PPP1R13L: variants seen among roughly 807,000 people sequenced by gnomAD.
PPP1R13L encodes relA-associated inhibitor.
A neutral mutation model predicts 80.9 loss-of-function variants in PPP1R13L; 50 were observed. The ratio of observed to expected loss-of-function variants is 0.62; its 90% CI spans 0.49 to 0.78. The LOEUF (loss-of-function observed/expected upper bound fraction) is 0.78. PPP1R13L is among the 30% of genes least tolerant of loss of function. The pLI is 0.00. For synonymous variants in PPP1R13L, 602 were observed against 534.3 expected (o/e 1.13, Z -1.75); for missense variants, 1,200 against 1,205.9 (o/e 1.00, Z 0.07).
At position 45,382,624 on chromosome 19, in the gene PPP1R13L, G is replaced by T; in HGVS notation, c.2351C>A (p.Ser784Ter). 1 of 1,613,790 alleles carries T rather than the reference G, an allele frequency of 6.2e-7. No individual in the cohort carries two copies. Among genetic ancestry groups the T allele is most frequent in the Non-Finnish European group, 8.5e-7 (1 of 1,180,022 alleles). Residue 784 changes from serine (S) to a stop codon, truncating the protein, a stop_gained, in exon 12 of 13, where the codon TCG becomes TAG. Coordinates refer to ENST00000360957, the MANE Select transcript of PPP1R13L (RefSeq NM_006663.4). LOFTEE classifies it high-confidence loss of function. ...GDELSFREGESVTVLRRDGPE... is the reference protein window; with the variant it reads ...GDELSFREGE ...CCCGTCCCTCCGCAGCACGGTGACCGACTCGCCCTCGCGGAAGGACAGCTC... is the reference window on the plus strand; with the variant it reads ...CCCGTCCCTCCGCAGCACGGTGACCTACTCGCCCTCGCGGAAGGACAGCTC...
In PPP1R13L at chr19:45,396,793, C is replaced by T. The variant is rs545583269; in HGVS notation, c.464G>A (p.Arg155His). ...AFDGAGSSLGRAPSPRPGPGP... is the reference protein window; with the variant it reads ...AFDGAGSSLGHAPSPRPGPGP... ...TGGCCCGGGCCGCGGGGAGGGCGCA[C>T]GGCCGAGGGAGCTGCCTGCGCCATC... Residue 155 changes from arginine (R) to histidine (H), a missense_variant, in exon 4 of 13, where the codon CGT (arginine) becomes CAT (histidine). Physicochemically the swap from Arg to His is conservative, Grantham distance 29 (BLOSUM62 0). Around this residue, in one of 5 missense-constraint regions of PPP1R13L, gnomAD observed 764 missense variants for 714.5 expected, o/e 1.07. Coordinates refer to ENST00000360957, the MANE Select transcript of PPP1R13L (RefSeq NM_006663.4). This position sits in a 1 kb window ranked among gnomAD's most constrained non-coding sequence, Gnocchi z 5.3. 6.2e-5 allele frequency: 85 copies of T among 1,377,922 alleles called. No homozygotes were observed. The African/African-American group carries it at 1.2e-3, about 19-fold the overall frequency. 85.4% of individuals were successfully genotyped at this position (1,377,922 alleles called of 1,614,324 possible).
At chr19:45,382,780 C>G in intron 11 of PPP1R13L, 54 bp from the exon 12 acceptor site, 2 of 1,582,078 alleles carry the variant, frequency 1.3e-6, no homozygotes, top group African/African-American at 1.3e-5. Context: ...GGTCCAGGAA[C>G]AGGGGCCACG....
At position 45,396,576 on chromosome 19, in the gene PPP1R13L, G is replaced by A; in HGVS notation, c.681C>T (p.Gly227=). The A allele has an allele frequency of 6.6e-7, 1 of 1,505,074 alleles. No individual in the cohort carries two copies. The highest frequency in any genetic ancestry group is 1.3e-5 in the South Asian group (1 of 76,392). The allele number at this position is 1,505,074 out of a possible 1,614,324, so 93.2% of individuals were successfully genotyped here. The change falls in exon 4 of 13, where the codon GGC becomes GGT. Residue 227 remains glycine (G), a synonymous_variant. Transcript: ENST00000360957. This position sits in a 1 kb window ranked among gnomAD's most constrained non-coding sequence, Gnocchi z 5.3. Reference sequence around the variant, plus strand: ...CGCGCAGAGGCGGGGCGAATGCGCTGCCGCCGGAGCCTAGCAGGGAGCTCC... The same window carrying A: ...CGCGCAGAGGCGGGGCGAATGCGCTACCGCCGGAGCCTAGCAGGGAGCTCC... The part of the protein sequence containing the change: ...AFGSSLLGSG[G]SAFAPPLRAQ...
chr19:45,401,648 C>A (rs1486023161), intron 1 of PPP1R13L, among the ~76,000 whole-genome samples: 1 of 152,196 alleles, frequency 6.6e-6, no homozygotes, highest in Non-Finnish European at 1.5e-5. Context: ...AAGATTCTAT[C>A]TTTGGAACAT....
intron 11 of PPP1R13L, among the ~76,000 whole-genome samples, chr19:45,382,938 C>T (rs937416879): frequency 3.3e-5 from 5 of 151,894 alleles, no homozygotes; most frequent in African/African-American, 1.2e-4. Context: ...CTGGGGGAGG[C>T]ATGCCAGTGG....
intron 12 of PPP1R13L, 128 bp downstream of exon 12, chr19:45,382,399 A>G: frequency 8.9e-7 from 1 of 1,117,590 alleles, no homozygotes; most frequent in Non-Finnish European, 1.3e-6. Context: ...AGCAATAATG[A>G]GCTTTTCAGA....
chr19:45,391,925 G>A lies in PPP1R13L; in HGVS notation c.1770C>T (p.Pro590=). Residue 590 remains proline (P), a synonymous_variant, in exon 8 of 13, where the codon CCC becomes CCT. Coordinates refer to ENST00000360957, the MANE Select transcript of PPP1R13L (RefSeq NM_006663.4). ...GTGGGCTGCTCTGGGACGGGGCCGG[G>A]GGTGGAATGGGAGCTGGTGGGGCAG... ...PAPAPPAPIP[P]PAPSQSSPPE... is the part of the protein sequence containing the mutation. 6.7e-7 allele frequency: 1 copy of A among 1,503,122 alleles called. No homozygotes were observed. Among genetic ancestry groups the A allele is most frequent in the South Asian group, 1.4e-5 (1 of 73,254 alleles). 93.1% of individuals were successfully genotyped at this position (1,503,122 alleles called of 1,614,324 possible).
chr19:45,397,378 C>A, intron 3 of PPP1R13L, among the ~76,000 whole-genome samples: 1 of 150,906 alleles, frequency 6.6e-6, no homozygotes, highest in Non-Finnish European at 1.5e-5. Flanking sequence ...CTCTCTCTTT[C>A]TTTTCTTTCT....
chr19:45,405,137 G>A (rs1973307520), upstream of PPP1R13L: 1 of 778,880 alleles, frequency 1.3e-6, no homozygotes, highest in Admixed American at 6.2e-5. Context: ...TCCCGGTGGG[G>A]AGGGGGAGCC....
intron 8 of PPP1R13L, among the ~76,000 whole-genome samples, chr19:45,386,430 G>A (rs962894209): frequency 1.3e-5 from 2 of 152,128 alleles, no homozygotes; most frequent in Admixed American, 1.3e-4. Flanking sequence ...GGGGGGCCAT[G>A]GGATTGGTGG....
In PPP1R13L at chr19:45,396,288, G is replaced by T; in HGVS notation, c.812-29C>A. 1 of 1,613,416 alleles carries T rather than the reference G, an allele frequency of 6.2e-7. No individual in the cohort carries two copies. Among genetic ancestry groups the T allele is most frequent in the Non-Finnish European group, 8.5e-7 (1 of 1,179,938 alleles). On this transcript the variant is annotated intron_variant, in intron 5 of 12. Coordinates refer to ENST00000360957, the MANE Select transcript of PPP1R13L (RefSeq NM_006663.4). This position sits in a 1 kb window ranked among gnomAD's most constrained non-coding sequence, Gnocchi z 5.3. ...CGGGGCGGGAATCATTAGGGTCTGT[G>T]GGGCTGCCTCTCCTCCGGGTCCTCC...
chr19:45,381,110 A>G (rs976054588), intron 12 of PPP1R13L, among the ~76,000 whole-genome samples: 2 of 150,710 alleles, frequency 1.3e-5, no homozygotes, highest in African/African-American at 4.9e-5. Context: ...GCTGGAGTGC[A>G]GTGGCACCAT....
intron 8 of PPP1R13L, among the ~76,000 whole-genome samples, chr19:45,386,671 C>T (rs1476642384): frequency 6.8e-6 from 1 of 147,978 alleles, no homozygotes; most frequent in Non-Finnish European, 1.5e-5. Context: ...CGCTCTGTCA[C>T]CCAGGCTGGA....
Position 45,395,966 on chromosome 19 carries a change from AGAG to A in PPP1R13L, c.904-83_904-81del, listed in dbSNP as rs1367152281. On this transcript the variant is annotated intron_variant, in intron 6 of 12. Coordinates refer to ENST00000360957, the MANE Select transcript of PPP1R13L (RefSeq NM_006663.4). ...AGGTAAAGACAAAAGACGAGAAGGGAGAGGAGGTGAGGGAAGCCCTGGGAGTGA... is the reference window on the plus strand; with the variant it reads ...AGGTAAAGACAAAAGACGAGAAGGGAGAGGTGAGGGAAGCCCTGGGAGTGA... 6 of 1,369,074 alleles carry A rather than the reference AGAG, an allele frequency of 4.4e-6. No homozygotes were observed. The African/African-American group carries it at 7.2e-5, about 16-fold the overall frequency. The allele number at this position is 1,369,074 out of a possible 1,614,324, so 84.8% of individuals were successfully genotyped here. A position where few individuals can be genotyped will look rare whatever the true frequency, so the allele number is the denominator to read the frequency against.
intron 1 of PPP1R13L, among the ~76,000 whole-genome samples, chr19:45,401,228 G>A (rs1195887817): frequency 6.6e-6 from 1 of 151,594 alleles, no homozygotes; most frequent in Non-Finnish European, 1.5e-5. Context: ...GGTGGCGGGC[G>A]CCTGTAGTCC....
chr19:45,396,045 A>G lies in PPP1R13L; in HGVS notation c.903+123T>C. ...CAGAAACCCAGCACAGTGAAGGGAG[A>G]GCGTGGGAACGGGCGCCGAGACCCA... On this transcript the variant is annotated intron_variant, in intron 6 of 12. Coordinates refer to ENST00000360957, the MANE Select transcript of PPP1R13L (RefSeq NM_006663.4). This position sits in a 1 kb window ranked among gnomAD's most constrained non-coding sequence, Gnocchi z 5.3. 7.7e-7 allele frequency: 1 copy of G among 1,301,774 alleles called. No homozygotes were observed. Among genetic ancestry groups the G allele is most frequent in the Non-Finnish European group, 1.1e-6 (1 of 950,058 alleles). 80.6% of individuals were successfully genotyped at this position (1,301,774 alleles called of 1,614,324 possible).
chr19:45,387,011 G>A (rs1419032733), intron 8 of PPP1R13L, among the ~76,000 whole-genome samples: 2 of 151,644 alleles, frequency 1.3e-5, no homozygotes, highest in African/African-American at 4.8e-5. Flanking sequence ...GCTCATGTCT[G>A]TAATCCTAGC....
intron 1 of PPP1R13L, among the ~76,000 whole-genome samples, chr19:45,404,268 A>G (rs1226742960): frequency 6.6e-6 from 1 of 152,114 alleles, no homozygotes; most frequent in Non-Finnish European, 1.5e-5. Flanking sequence ...CTACCTCTGC[A>G]AACCCAGCTG....
intron 7 of PPP1R13L, among the ~76,000 whole-genome samples, chr19:45,393,665 G>A (rs1273213204): frequency 6.6e-6 from 1 of 152,062 alleles, no homozygotes; most frequent in Non-Finnish European, 1.5e-5. Flanking sequence ...ATGAGGTCAG[G>A]AGATCGAGAC....
Sources: gnomAD v4.1 joint callset for allele counts (sites outside exome capture counted in the v4.1 genomes callset) on GRCh38, gnomAD v4.1.1 for gene constraint, gnomAD v4.1.1 regional missense constraint, Gnocchi (gnomAD v3.1) non-coding constraint, MANE v1.5 for transcripts, NCBI Gene and HGNC (gene_info 2026-07-23, HGNC 2026-07-21) for gene names.